NPC1L1: variants seen among roughly 807,000 people sequenced by gnomAD.
The protein encoded by NPC1L1 is NPC1-like intracellular cholesterol transporter 1.
NPC1L1 carries 98 observed loss-of-function variants against 117.0 expected under a neutral mutation model. The ratio of observed to expected loss-of-function variants is 0.84; its 90% CI spans 0.71 to 0.99. The LOEUF is 0.99. NPC1L1 is among the 50% of genes least tolerant of loss of function. The pLI, the probability that NPC1L1 is intolerant of heterozygous loss-of-function variation, is 0.00. For synonymous variants in NPC1L1, 729 were observed against 727.6 expected, an observed-to-expected ratio of 1.00 and a Z score of -0.03; for missense variants, 1,540 against 1,710.0, an observed-to-expected ratio of 0.90 and a Z score of 1.75.
intron 14 of NPC1L1, among the ~76,000 whole-genome samples, chr7:44,519,015 T>C (rs1009456257): frequency 2.6e-5 from 4 of 151,272 alleles, no homozygotes; most frequent in African/African-American, 9.7e-5. Flanking sequence ...CTCTCTCTCT[T>C]TCTCCCTTTC....
At chr7:44,535,053 C>T (rs115739741) in intron 5 of NPC1L1, among the ~76,000 whole-genome samples, 3,641 of 151,714 alleles carry the variant, frequency 0.024, 139 homozygotes, top group African/African-American at 0.083. Flanking sequence ...AGGCAAAAAG[C>T]GAGACCCCAT....
At chr7:44,513,731 C>T (rs1801109260) in intron 18 of NPC1L1, 82 bp from the exon 19 acceptor site, 8 of 1,492,890 alleles carry the variant, frequency 5.4e-6, no homozygotes, top group South Asian at 2.3e-5. Context: ...GTACAACAAA[C>T]CCAGGGCAGG....
At chr7:44,525,157 T>C (rs1295570398) in intron 10 of NPC1L1, among the ~76,000 whole-genome samples, 3 of 152,168 alleles carry the variant, frequency 2.0e-5, no homozygotes, top group Non-Finnish European at 4.4e-5. Context: ...GAAAAAATTA[T>C]GGCCAGAACT....
chr7:44,524,373 A>G (rs1171398719), intron 10 of NPC1L1, among the ~76,000 whole-genome samples: 1 of 152,166 alleles, frequency 6.6e-6, no homozygotes, highest in Non-Finnish European at 1.5e-5. Context: ...AAAAAGAAAA[A>G]CATGGCCCAT....
Position 44,541,221 on chromosome 7 carries a change from G to A in NPC1L1, c.39C>T (p.Ala13=), listed in dbSNP as rs1374844807. 3 of 1,549,938 alleles carry A rather than the reference G, an allele frequency of 1.9e-6. No homozygotes were observed. The highest frequency in any genetic ancestry group is 2.0e-5 in the Admixed American group (1 of 50,980). The change falls in exon 1 of 19, where the codon GCC becomes GCT. Residue 13 remains alanine (A), a synonymous_variant. Coordinates refer to ENST00000381160, the MANE Select transcript of NPC1L1 (RefSeq NM_001101648.2). ...EAGLRGWLLW[A]LLLRLAQSEP... ...TGGGACTCACCAAGCGCAGGAGCAG[G>A]GCCCACAGCAGCCAGCCCCTCAGGC...
At chr7:44,521,668 C>G in intron 12 of NPC1L1, 44 bp downstream of exon 12, 1 of 1,613,462 alleles carries the variant, frequency 6.2e-7, no homozygotes, top group Non-Finnish European at 8.5e-7. Context: ...CCTCAGTTTG[C>G]CCGAGCTGTG....
chr7:44,538,905 G>T lies in NPC1L1; in HGVS notation c.1492C>A (p.Arg498Ser), dbSNP rs138815315. 1 of 1,614,230 alleles carries T rather than the reference G, an allele frequency of 6.2e-7. No homozygotes were observed. The highest frequency in any genetic ancestry group is 8.5e-7 in the Non-Finnish European group (1 of 1,180,032). ...TTGGCTGTGAGCAGCAGGAGCGTGC[G>T]GTTGTTCTGGAAATACTGCAGGAGG... ...NSLLQYFQNN[R>S]TLLLLTANQT... Residue 498 changes from arginine (R) to serine (S), a missense_variant, in exon 2 of 19, where the codon CGC becomes AGC. Around this residue, in one of 3 missense-constraint regions of NPC1L1, gnomAD observed 793 missense variants for 820.4 expected, o/e 0.97. Coordinates refer to ENST00000381160, the MANE Select transcript of NPC1L1 (RefSeq NM_001101648.2). This position sits in a 1 kb window ranked among gnomAD's most constrained non-coding sequence, Gnocchi z 5.9.
chr7:44,533,874 T>G, intron 6 of NPC1L1, 21 bp from the exon 7 acceptor site: 1 of 1,592,392 alleles, frequency 6.3e-7, no homozygotes, highest in Non-Finnish European at 8.6e-7. Flanking sequence ...ACAGCAGGGA[T>G]AAGAGCCAGG....
chr7:44,539,228 G>A lies in NPC1L1; in HGVS notation c.1169C>T (p.Ala390Val), dbSNP rs759510403. 1.9e-6 allele frequency: 3 copies of A among 1,614,110 alleles called. No homozygotes were observed. Among genetic ancestry groups the A allele is most frequent in the Admixed American group, 3.3e-5 (2 of 60,018 alleles). The change falls in exon 2 of 19, where the codon GCC becomes GTC. Residue 390 changes from alanine (A) to valine (V), a missense_variant. Physicochemically the swap from Ala to Val is moderately conservative, Grantham distance 64. This residue lies in a region of NPC1L1 where 793 missense variants were observed against 820.4 expected (regional missense o/e 0.97). Transcript: ENST00000381160. The surrounding 1 kb of genome is among the most constrained non-coding windows in gnomAD (Gnocchi z 4.4). Reference sequence around the variant, plus strand: ...GTCATGGAAAGCTTTCTCACTCCGGGCTTGGCTGTTGGGGGCCGACCACAG... The same window carrying A: ...GTCATGGAAAGCTTTCTCACTCCGGACTTGGCTGTTGGGGGCCGACCACAG... Reference protein sequence around the residue: ...VELWSAPNSQARSEKAFHDQH... With the variant: ...VELWSAPNSQVRSEKAFHDQH...
chr7:44,534,695 G>A lies in NPC1L1; in HGVS notation c.1984-66C>T. On this transcript the variant is annotated intron_variant, in intron 5 of 18. Transcript: ENST00000381160. The surrounding 1 kb of genome is among the most constrained non-coding windows in gnomAD (Gnocchi z 5.2). ...CTACCCAGTATGCCCACCAGCCTCA[G>A]CTAGGCCAGACAAAGTAGCCGGCAG... 1 of 1,575,370 alleles carries A rather than the reference G, an allele frequency of 6.3e-7. No individual in the cohort carries two copies. Among genetic ancestry groups the A allele is most frequent in the Non-Finnish European group, 8.7e-7 (1 of 1,151,206 alleles).
At chr7:44,523,881 A>G (rs957886392) in intron 10 of NPC1L1, among the ~76,000 whole-genome samples, 5 of 152,114 alleles carry the variant, frequency 3.3e-5, no homozygotes, top group Non-Finnish European at 4.4e-5. Flanking sequence ...AAATAAATAA[A>G]TAAGTTCAAA....
In NPC1L1 at chr7:44,539,056, C is replaced by A. The variant is rs549816417; in HGVS notation, c.1341G>T (p.Leu447=). The change falls in exon 2 of 19, where the codon CTG becomes CTT. Residue 447 remains leucine (L), a synonymous_variant. Coordinates refer to ENST00000381160, the MANE Select transcript of NPC1L1 (RefSeq NM_001101648.2). The surrounding 1 kb of genome is among the most constrained non-coding windows in gnomAD (Gnocchi z 4.4). ...DLDLLLELLE[L]QERLRHLQVW... is the part of the protein sequence containing the mutation. ...CCTGGAGGTGCCGCAGCCTCTCCTG[C>A]AGCTCTAGCAGCTCCAGCAGCAAGT... is the stretch of plus-strand genomic sequence containing the variant. 2.5e-6 allele frequency: 4 copies of A among 1,614,042 alleles called. No individual in the cohort carries two copies. Among genetic ancestry groups the A allele is most frequent in the African/African-American group, 1.3e-5 (1 of 75,042 alleles).
intron 10 of NPC1L1, among the ~76,000 whole-genome samples, chr7:44,523,210 C>T (rs761671398): frequency 3.3e-5 from 5 of 152,120 alleles, no homozygotes; most frequent in South Asian, 2.1e-4. Flanking sequence ...CATGTGCCAC[C>T]GCTCCCAGCT....
chr7:44,520,279 C>T (rs966054143), intron 14 of NPC1L1, among the ~76,000 whole-genome samples: 9 of 149,358 alleles, frequency 6.0e-5, no homozygotes, highest in African/African-American at 1.7e-4. Context: ...GACTCCGTCT[C>T]GAAAAAAAAA....
chr7:44,533,623 A>T, intron 7 of NPC1L1, 65 bp from the exon 8 acceptor site: 1 of 1,613,192 alleles, frequency 6.2e-7, no homozygotes, highest in Non-Finnish European at 8.5e-7. Flanking sequence ...GCCGACATTG[A>T]CAGGGTGCAG....
At chr7:44,520,898 G>C in intron 13 of NPC1L1, 78 bp from the exon 14 acceptor site, 1 of 1,612,156 alleles carries the variant, frequency 6.2e-7, no homozygotes, top group African/African-American at 1.3e-5. Context: ...ACCCCAGAGA[G>C]GCCCCTGATA....
intron 1 of NPC1L1, 144 bp from the exon 2 acceptor site, chr7:44,540,486 G>A: frequency 1.3e-6 from 1 of 753,152 alleles, no homozygotes; most frequent in Non-Finnish European, 2.3e-6. Flanking sequence ...GAAGCCTCCT[G>A]GAGGCATGTG....
At position 44,520,219 on chromosome 7, in the gene NPC1L1, G is replaced by C. The variant is rs532158216; in HGVS notation, c.3136+546C>G. 2.6e-5 allele frequency among the ~76,000 whole-genome samples: 4 copies of C among 152,112 alleles called. No homozygotes were observed. In the South Asian group the frequency reaches 8.3e-4, roughly 32 times the overall value. ...CGCTTGAACCCGGAAAGTGGAGGTT[G>C]CAGTGAGCCGAGATTGCACCACTGC... On this transcript the variant is annotated intron_variant, in intron 14 of 18. Coordinates refer to ENST00000381160, the MANE Select transcript of NPC1L1 (RefSeq NM_001101648.2).
At position 44,538,867 on chromosome 7, in the gene NPC1L1, C is replaced by T. The variant is rs1468384; in HGVS notation, c.1530G>A (p.Met510Ile). 6.2e-7 allele frequency: 1 copy of T among 1,614,186 alleles called. No homozygotes were observed. Among genetic ancestry groups the T allele is most frequent in the African/African-American group, 1.3e-5 (1 of 75,046 alleles). Residue 510 changes from methionine (M) to isoleucine (I), a missense_variant, in exon 2 of 19, where the codon ATG (methionine) becomes ATA (isoleucine). Physicochemically the swap from Met to Ile is conservative, Grantham distance 10. Around this residue, in one of 3 missense-constraint regions of NPC1L1, gnomAD observed 793 missense variants for 820.4 expected, o/e 0.97. Transcript: ENST00000381160. The surrounding 1 kb of genome is among the most constrained non-coding windows in gnomAD (Gnocchi z 5.9). The part of the protein sequence containing the change: ...LLLLTANQTL[M>I]GQTSQVDWKD... ...TCCAGTCGACTTGGGAGGTCTGCCC[C>T]ATCAGTGTCTGGTTGGCTGTGAGCA...
Sources: gnomAD v4.1 joint callset for allele counts (sites outside exome capture counted in the v4.1 genomes callset) on GRCh38, gnomAD v4.1.1 for gene constraint, gnomAD v4.1.1 regional missense constraint, Gnocchi (gnomAD v3.1) non-coding constraint, MANE v1.5 for transcripts, NCBI Gene and HGNC (gene_info 2026-07-23, HGNC 2026-07-21) for gene names.